Variants in RBFOX1 observed in about 807,000 individuals in gnomAD.
The protein encoded by RBFOX1 is RNA binding protein fox-1 homolog 1.
In RBFOX1, 8 loss-of-function variants were observed where a neutral mutation model predicts 57.7. The ratio of observed to expected loss-of-function variants is 0.14; its 90% CI spans 0.08 to 0.25. The LOEUF (loss-of-function observed/expected upper bound fraction) is 0.25, where lower values mean the gene tolerates loss of function less well. Ranked by LOEUF, RBFOX1 falls within the 10% of genes least tolerant of loss-of-function variation. RBFOX1 has a pLI of 1.00. For missense variants in RBFOX1, 611 were observed against 548.5 expected (o/e 1.11, Z -1.14); for synonymous variants, 326 against 222.4 (o/e 1.47, Z -4.15).
intron 2 of RBFOX1, among the ~76,000 whole-genome samples, chr16:6,389,606 A>G (rs2152930287): frequency 6.6e-6 from 1 of 152,224 alleles, no homozygotes; most frequent in Admixed American, 6.5e-5. Flanking sequence ...CTCTACCTAA[A>G]CTATGGTGTG....
chr16:6,789,685 C>G lies in RBFOX1; in HGVS notation c.-16+135035C>G, dbSNP rs1043428272. On this transcript the variant is annotated intron_variant, in intron 3 of 15. Coordinates refer to ENST00000550418, the MANE Select transcript of RBFOX1 (RefSeq NM_018723.4). The stretch of plus-strand genomic sequence containing the variant: ...TCTGTTTCTTTTGCCCATTTTCATC[C>G]TTTTCTTGTTTCATTTTCTCCATGT... Among the ~76,000 whole-genome samples, 8 of 152,208 alleles carry G rather than the reference C, an allele frequency of 5.3e-5. No individual in the cohort carries two copies. The East Asian group carries it at 5.8e-4, about 11-fold the overall frequency.
chr16:7,072,700 A>T (rs1567157190), intron 4 of RBFOX1, among the ~76,000 whole-genome samples: 1 of 152,366 alleles, frequency 6.6e-6, no homozygotes, highest in South Asian at 2.1e-4. Context: ...ACCATAAACA[A>T]CTTTAATACT....
intron 4 of RBFOX1, among the ~76,000 whole-genome samples, chr16:7,291,232 A>C (rs537822630): frequency 2.0e-5 from 3 of 152,186 alleles, no homozygotes; most frequent in African/African-American, 4.8e-5. Context: ...TGCCCTAACC[A>C]GCTGAAGGGG....
intron 2 of RBFOX1, among the ~76,000 whole-genome samples, chr16:5,555,489 G>T (rs1013338013): frequency 8.6e-5 from 13 of 151,876 alleles, no homozygotes; most frequent in East Asian, 2.0e-4. Context: ...GACCTCAGGT[G>T]ATCCACCTGC....
At chr16:5,950,086 A>C (rs1244650232) in intron 4 of RBFOX1, among the ~76,000 whole-genome samples, 3 of 152,248 alleles carry the variant, frequency 2.0e-5, no homozygotes, top group Admixed American at 2.0e-4. Context: ...TATTTAAGGC[A>C]GTGTCCTCCA....
chr16:6,230,002 C>G (rs1381711481), intron 1 of RBFOX1, among the ~76,000 whole-genome samples: 1 of 151,994 alleles, frequency 6.6e-6, no homozygotes, highest in African/African-American at 2.4e-5. Context: ...TGCCTGTTAT[C>G]TAGGGTGTAC....
chr16:7,233,041 A>G (rs939035518), intron 4 of RBFOX1, among the ~76,000 whole-genome samples: 1 of 151,990 alleles, frequency 6.6e-6, no homozygotes, highest in African/African-American at 2.4e-5. Context: ...TCCCTTTTCA[A>G]TCCCTTTTGC....
intron 1 of RBFOX1, among the ~76,000 whole-genome samples, chr16:6,283,432 G>C (rs888600848): frequency 6.6e-6 from 1 of 152,050 alleles, no homozygotes; most frequent in African/African-American, 2.4e-5. Context: ...TTTTATCCCA[G>C]TCCTTCTCAA....
In RBFOX1 at chr16:6,924,753, C is replaced by T. The variant is rs2153460570; in HGVS notation, c.-15-127304C>T. ...CGTGCAGGTTTGTTACATATTTATA[C>T]ATGTGCCATGTTGGTGTGCTGCACC... On this transcript the variant is annotated intron_variant, in intron 3 of 15. Transcript: ENST00000550418. Among the ~76,000 whole-genome samples the T allele has an allele frequency of 1.3e-5, 2 of 151,268 alleles. 1 individual carries two copies. Among genetic ancestry groups the T allele is most frequent in the Middle Eastern group, 6.8e-3 (2 of 294 alleles).
chr16:5,565,175 G>C (rs7203455), intron 2 of RBFOX1, among the ~76,000 whole-genome samples: 64,216 of 151,982 alleles, frequency 0.42, 13,940 homozygotes, highest in East Asian at 0.51. Flanking sequence ...CAAAGCACCA[G>C]GGTTCAGAAC....
chr16:6,313,145 A>T (rs2080586581), intron 1 of RBFOX1, among the ~76,000 whole-genome samples: 1 of 152,082 alleles, frequency 6.6e-6, no homozygotes, highest in Admixed American at 6.6e-5. Flanking sequence ...TGTGGTCCAG[A>T]ATGGGAAAGT....
chr16:6,158,205 C>T (rs980482285), intron 1 of RBFOX1, among the ~76,000 whole-genome samples: 1 of 152,190 alleles, frequency 6.6e-6, no homozygotes, highest in Non-Finnish European at 1.5e-5. Flanking sequence ...GAATGTGATG[C>T]TTGCAACTGT....
intron 3 of RBFOX1, among the ~76,000 whole-genome samples, chr16:6,710,025 T>C (rs1568308777): frequency 6.6e-6 from 1 of 152,142 alleles, no homozygotes; most frequent in Non-Finnish European, 1.5e-5. Context: ...ATCTGAAATA[T>C]GCTGCTCACC....
chr16:5,286,151 GGTA>G (rs1267142913), intron 1 of RBFOX1, among the ~76,000 whole-genome samples: 1 of 152,168 alleles, frequency 6.6e-6, no homozygotes, highest in African/African-American at 2.4e-5. Flanking sequence ...CGGCATCATT[GGTA>G]GTGGTGGTGG....
intron 2 of RBFOX1, among the ~76,000 whole-genome samples, chr16:6,532,661 C>T (rs912991838): frequency 6.6e-6 from 1 of 152,118 alleles, no homozygotes; most frequent in Admixed American, 6.6e-5. Context: ...TGCACATGCA[C>T]ACTCTGGACT....
intron 4 of RBFOX1, among the ~76,000 whole-genome samples, chr16:7,302,168 A>T (rs1299426474): frequency 6.6e-6 from 1 of 152,106 alleles, no homozygotes; most frequent in East Asian, 1.9e-4. Flanking sequence ...AATTGATGGG[A>T]TGTGTGAGCC....
intron 4 of RBFOX1, among the ~76,000 whole-genome samples, chr16:7,247,649 C>T (rs1419913911): frequency 6.6e-6 from 1 of 152,190 alleles, no homozygotes; most frequent in African/African-American, 2.4e-5. Flanking sequence ...TTTAAGAATA[C>T]ATTAGTGACT....
At chr16:7,700,929 A>T (rs1487778803) in intron 14 of RBFOX1, among the ~76,000 whole-genome samples, 1 of 152,162 alleles carries the variant, frequency 6.6e-6, no homozygotes, top group Admixed American at 6.5e-5. Context: ...TAGATGCCAC[A>T]GTGTTGGATT....
chr16:6,083,697 A>G (rs1214794763), intron 1 of RBFOX1, among the ~76,000 whole-genome samples: 1 of 151,808 alleles, frequency 6.6e-6, no homozygotes, highest in Admixed American at 6.6e-5. Flanking sequence ...GGCTGGACTC[A>G]AACTCCCAGG....
Sources: gnomAD v4.1 joint callset for allele counts (sites outside exome capture counted in the v4.1 genomes callset) on GRCh38, gnomAD v4.1.1 for gene constraint, MANE v1.5 for transcripts, NCBI Gene and HGNC (gene_info 2026-07-23, HGNC 2026-07-21) for gene names.